Variants in RALGAPA1 observed in about 807,000 individuals in gnomAD.
RALGAPA1 encodes ral GTPase-activating protein subunit alpha-1.
Under a neutral mutation model 269.6 loss-of-function variants are expected in RALGAPA1, and 52 were observed. The observed-to-expected ratio is 0.19, with a 90% CI of 0.15 to 0.24. The LOEUF (loss-of-function observed/expected upper bound fraction) is 0.24. RALGAPA1 is among the 10% of genes least tolerant of loss of function. The probability of loss-of-function intolerance (pLI) is 1.00; values close to 1 mark genes in which losing one functional copy is unlikely to be tolerated. For missense variants in RALGAPA1, 1,917 were observed against 3,013.9 expected, an observed-to-expected ratio of 0.64 and a Z score of 8.52; for synonymous variants, 817 against 1,008.3, an observed-to-expected ratio of 0.81 and a Z score of 3.60.
Position 35,549,131 on chromosome 14 carries a change from G to A in RALGAPA1, c.7600C>T (p.His2534Tyr), listed in dbSNP as rs1364412160. ...AAQVFSPAPY[H>Y]HLPSDADH is the part of the protein sequence containing the mutation. The stretch of plus-strand genomic sequence containing the variant: ...TTACCGGCATCAGATGGTAAATGGT[G>A]GTAGGGAGCTGGAGAAAAAACCTGT... The change falls in exon 40 of 42, where the codon CAC becomes TAC. Residue 2534 changes from histidine to tyrosine, a missense_variant. Transcript: ENST00000680220. The A allele has an allele frequency of 1.2e-6, 2 of 1,610,912 alleles. No homozygotes were observed. The highest frequency in any genetic ancestry group is 1.1e-5 in the South Asian group (1 of 90,948).
At chr14:35,578,207 A>C (rs908737210) in intron 37 of RALGAPA1, among the ~76,000 whole-genome samples, 1 of 152,202 alleles carries the variant, frequency 6.6e-6, no homozygotes, top group Non-Finnish European at 1.5e-5. Context: ...ACAATAAATA[A>C]ATAAATAATT....
intron 16 of RALGAPA1, among the ~76,000 whole-genome samples, chr14:35,713,819 G>A (rs1421328521): frequency 6.6e-6 from 1 of 152,198 alleles, no homozygotes; most frequent in Non-Finnish European, 1.5e-5. Context: ...GAGCGGGCCA[G>A]GTGCGGTGGC....
chr14:35,739,753 A>C, intron 11 of RALGAPA1, among the ~76,000 whole-genome samples: 1 of 151,568 alleles, frequency 6.6e-6, no homozygotes, highest in South Asian at 2.1e-4. Context: ...GGTACTTATC[A>C]TCTCACTTCC....
intron 4 of RALGAPA1, chr14:35,766,660 G>T: frequency 1.4e-6 from 1 of 691,608 alleles, no homozygotes; most frequent in South Asian, 1.4e-5. Flanking sequence ...GTAAGAGGAA[G>T]AATTCTCTCA....
intron 39 of RALGAPA1, among the ~76,000 whole-genome samples, chr14:35,567,113 T>C (rs1222151521): frequency 6.6e-6 from 1 of 151,934 alleles, no homozygotes; most frequent in Non-Finnish European, 1.5e-5. Context: ...TTACTCTGTG[T>C]CCCAGAAGTA....
intron 6 of RALGAPA1, among the ~76,000 whole-genome samples, chr14:35,758,435 GC>G (rs2073394287): frequency 6.6e-6 from 1 of 152,000 alleles, no homozygotes; most frequent in Non-Finnish European, 1.5e-5. Flanking sequence ...CTTAGTCTCT[GC>G]CGGGGAGTAT....
intron 3 of RALGAPA1, among the ~76,000 whole-genome samples, chr14:35,771,267 G>A (rs1046392594): frequency 7.2e-5 from 11 of 151,906 alleles, no homozygotes; most frequent in Non-Finnish European, 1.2e-4. Flanking sequence ...GGTGGCAGGC[G>A]CTTGTAATCC....
At chr14:35,623,502 G>GA (rs969764758) in intron 35 of RALGAPA1, among the ~76,000 whole-genome samples, 5 of 150,598 alleles carry the variant, frequency 3.3e-5, no homozygotes, top group South Asian at 2.1e-4. Flanking sequence ...TAGCAGAAGA[G>GA]AAAAAAAAAT....
intron 16 of RALGAPA1, among the ~76,000 whole-genome samples, chr14:35,719,767 TCGCCCTCTGTCG>T (rs1334452163): frequency 6.6e-6 from 1 of 150,618 alleles, no homozygotes; most frequent in South Asian, 2.1e-4. Flanking sequence ...TGAGACAGAG[TCGCCCTCTGTCG>T]CTCCCTCTGT....
chr14:35,744,471 C>A (rs767254914), intron 10 of RALGAPA1, among the ~76,000 whole-genome samples: 2 of 151,722 alleles, frequency 1.3e-5, no homozygotes, highest in Non-Finnish European at 1.5e-5. Flanking sequence ...TATCTAAAAT[C>A]TGCCACTTTC....
intron 16 of RALGAPA1, among the ~76,000 whole-genome samples, chr14:35,703,244 G>A (rs1261639320): frequency 6.6e-6 from 1 of 152,196 alleles, no homozygotes; most frequent in Non-Finnish European, 1.5e-5. Flanking sequence ...GGCCAAGGCA[G>A]GAGGATGGCT....
intron 5 of RALGAPA1, 113 bp from the exon 6 acceptor site, chr14:35,761,119 G>T: frequency 1.4e-6 from 1 of 705,640 alleles, no homozygotes; most frequent in Non-Finnish European, 2.2e-6. Context: ...CGAGAGGCAG[G>T]GTAGGGAAGG....
intron 32 of RALGAPA1, 33 bp from the exon 33 acceptor site, chr14:35,634,790 T>C: frequency 2.0e-6 from 3 of 1,511,172 alleles, no homozygotes; most frequent in Non-Finnish European, 2.7e-6. Context: ...CCAGTTTTAC[T>C]TAAAAAATAA....
rs2066337437 is a variant in RALGAPA1 at position 35,689,958 on chromosome 14, T to C, written c.2453A>G (p.His818Arg). ...QILPRSTRVR[H>R]FSQSEETGNE... ...TCCAGTTTCTTCACTTTGTGAAAAA[T>C]GTCTGACTCTAGTTGAGCGGGGAAG... is the stretch of plus-strand genomic sequence containing the variant. Residue 818 changes from histidine (H) to arginine (R), a missense_variant, in exon 18 of 42, where the codon CAT (histidine) becomes CGT (arginine). Coordinates refer to ENST00000680220, the MANE Select transcript of RALGAPA1 (RefSeq NM_001346249.2). 6.3e-7 allele frequency: 1 copy of C among 1,599,964 alleles called. No homozygotes were observed. The highest frequency in any genetic ancestry group is 8.5e-7 in the Non-Finnish European group (1 of 1,175,554).
At chr14:35,804,641 G>C (rs114625706) in intron 1 of RALGAPA1, among the ~76,000 whole-genome samples, 6,155 of 151,392 alleles carry the variant, frequency 0.041, 359 homozygotes, top group African/African-American at 0.12. Flanking sequence ...GAAATAAAAA[G>C]AGATTAACAG....
intron 22 of RALGAPA1, among the ~76,000 whole-genome samples, chr14:35,675,110 G>C (rs2064829993): frequency 6.6e-6 from 1 of 152,130 alleles, no homozygotes; most frequent in African/African-American, 2.4e-5. Context: ...GATGGTGTAG[G>C]AAGTCTTCCT....
At chr14:35,758,689 T>C (rs2073417546) in intron 6 of RALGAPA1, among the ~76,000 whole-genome samples, 1 of 152,064 alleles carries the variant, frequency 6.6e-6, no homozygotes, top group South Asian at 2.1e-4. Flanking sequence ...CAGTGCATTA[T>C]GATCGCACCT....
intron 1 of RALGAPA1, among the ~76,000 whole-genome samples, chr14:35,788,722 A>G (rs1445084983): frequency 6.6e-6 from 1 of 152,228 alleles, no homozygotes; most frequent in African/African-American, 2.4e-5. Context: ...CCATAATGTC[A>G]TAAATATTTT....
intron 35 of RALGAPA1, among the ~76,000 whole-genome samples, chr14:35,615,391 A>C (rs1488468573): frequency 6.6e-6 from 1 of 152,160 alleles, no homozygotes; most frequent in African/African-American, 2.4e-5. Context: ...TGGTCTAGTG[A>C]GGTAAGTCTG....
Sources: gnomAD v4.1 joint callset for allele counts (sites outside exome capture counted in the v4.1 genomes callset) on GRCh38, gnomAD v4.1.1 for gene constraint, MANE v1.5 for transcripts, NCBI Gene and HGNC (gene_info 2026-07-23, HGNC 2026-07-21) for gene names.